Variants in GARNL3 observed in about 807,000 individuals in gnomAD.
The protein encoded by GARNL3 is GTPase-activating Rap/Ran-GAP domain-like protein 3.
In GARNL3, 63 loss-of-function variants were observed where a neutral mutation model predicts 125.0. The ratio of observed to expected loss-of-function variants is 0.50; its 90% CI spans 0.41 to 0.62. The LOEUF (loss-of-function observed/expected upper bound fraction) is 0.62. Among genes scored for constraint, GARNL3 ranks in the 20% least tolerant of loss-of-function variants. GARNL3 has a pLI of 0.00. For synonymous variants in GARNL3, 439 were observed against 457.5 expected (o/e 0.96, Z 0.52); for missense variants, 994 against 1,244.0 (o/e 0.80, Z 3.02).
intron 16 of GARNL3, among the ~76,000 whole-genome samples, chr9:127,347,741 T>C: frequency 6.6e-6 from 1 of 152,226 alleles, no homozygotes; most frequent in East Asian, 1.9e-4. Flanking sequence ...AGAAATTTTC[T>C]TGGGGAAACG....
intron 4 of GARNL3, among the ~76,000 whole-genome samples, chr9:127,313,795 G>T (rs546377874): frequency 6.6e-6 from 1 of 151,770 alleles, no homozygotes; most frequent in Non-Finnish European, 1.5e-5. Flanking sequence ...GCTAATTACC[G>T]CATTCTAGTC....
intron 1 of GARNL3, among the ~76,000 whole-genome samples, chr9:127,265,899 T>A (rs1338651188): frequency 6.6e-6 from 1 of 152,216 alleles, no homozygotes; most frequent in East Asian, 1.9e-4. Context: ...GGCGTTCTAC[T>A]TGAACTCAAG....
intron 17 of GARNL3, among the ~76,000 whole-genome samples, chr9:127,352,544 G>A (rs1830472104): frequency 6.6e-6 from 1 of 152,196 alleles, no homozygotes; most frequent in African/African-American, 2.4e-5. Flanking sequence ...CATTTTGTGG[G>A]AGCCCAGGGT....
At chr9:127,340,586 A>C (rs577526788) in intron 13 of GARNL3, among the ~76,000 whole-genome samples, 1 of 148,740 alleles carries the variant, frequency 6.7e-6, no homozygotes, top group African/African-American at 2.5e-5. Flanking sequence ...ACTCCTCCCC[A>C]CTACAGTCTT....
intron 2 of GARNL3, among the ~76,000 whole-genome samples, chr9:127,302,639 G>T (rs2131421291): frequency 6.6e-6 from 1 of 152,264 alleles, no homozygotes; most frequent in South Asian, 2.1e-4. Context: ...TTTCTGAAAA[G>T]ATACAGAAGA....
At chr9:127,227,469 T>A (rs185514694) in intron 1 of GARNL3, among the ~76,000 whole-genome samples, 1 of 151,968 alleles carries the variant, frequency 6.6e-6, no homozygotes, top group African/African-American at 2.4e-5. Context: ...GTTGTGGTGG[T>A]AGGCGCCTGT....
chr9:127,341,049 C>T (rs1829834157), intron 13 of GARNL3, among the ~76,000 whole-genome samples: 1 of 152,148 alleles, frequency 6.6e-6, no homozygotes, highest in Admixed American at 6.5e-5. Context: ...ATGAAAGACA[C>T]CTTTGCTGAG....
chr9:127,368,615 A>G (rs893249390), intron 22 of GARNL3, among the ~76,000 whole-genome samples: 21 of 148,666 alleles, frequency 1.4e-4, no homozygotes, highest in East Asian at 8.8e-4. Context: ...ACAGGCGTGA[A>G]CCACTGTGCC....
At chr9:127,365,144 C>G in intron 21 of GARNL3, 156 bp from the exon 22 acceptor site, 1 of 641,174 alleles carries the variant, frequency 1.6e-6, no homozygotes, top group South Asian at 2.0e-5. Flanking sequence ...AATCCCAGCC[C>G]CCAATGTGCA....
At position 127,357,095 on chromosome 9, in the gene GARNL3, C is replaced by T. The variant is rs139525741; in HGVS notation, c.1936-124C>T. ...CTCTTGTCCCTTCTTCCCTGTAGCACGGGGCTCTGCAGGAGCCTGGAGAGG... is the reference window on the plus strand; with the variant it reads ...CTCTTGTCCCTTCTTCCCTGTAGCATGGGGCTCTGCAGGAGCCTGGAGAGG... On this transcript the variant is annotated intron_variant, in intron 20 of 27. Coordinates refer to ENST00000373387, the MANE Select transcript of GARNL3 (RefSeq NM_032293.5). The T allele has an allele frequency of 1.2e-3, 1,071 of 881,888 alleles. 1 individual carries two copies. Among genetic ancestry groups the T allele is most frequent in the Non-Finnish European group, 1.6e-3 (923 of 560,112 alleles). The allele number at this position is 881,888 out of a possible 1,614,324, so 54.6% of individuals were successfully genotyped here.
At chr9:127,329,317 A>G (rs564238816) in intron 7 of GARNL3, among the ~76,000 whole-genome samples, 1 of 152,298 alleles carries the variant, frequency 6.6e-6, no homozygotes, top group South Asian at 2.1e-4. Flanking sequence ...AATTACTAAT[A>G]ACATCAGGAC....
chr9:127,387,023 TG>T, intron 24 of GARNL3, 169 bp from the exon 25 acceptor site: 1 of 581,150 alleles, frequency 1.7e-6, no homozygotes, highest in Non-Finnish European at 3.0e-6. Context: ...CTAGCCACGC[TG>T]GGCTTTCCTC....
At chr9:127,297,463 C>A (rs2064638088) in intron 2 of GARNL3, among the ~76,000 whole-genome samples, 1 of 151,666 alleles carries the variant, frequency 6.6e-6, no homozygotes, top group African/African-American at 2.4e-5. Context: ...TCTTTTTTTT[C>A]TTTTTTAACA....
chr9:127,374,540 T>C (rs1339781740), intron 22 of GARNL3, among the ~76,000 whole-genome samples: 4 of 152,018 alleles, frequency 2.6e-5, no homozygotes, highest in Admixed American at 2.6e-4. Context: ...AAGAACTTCC[T>C]TGAAAAACAC....
intron 22 of GARNL3, among the ~76,000 whole-genome samples, chr9:127,382,191 T>A (rs557993728): frequency 1.3e-5 from 2 of 152,008 alleles, no homozygotes; most frequent in African/African-American, 4.8e-5. Flanking sequence ...TCCCAGCTAC[T>A]TGGGAGGCTG....
At chr9:127,257,507 G>A (rs1312118914) in intron 2 of GARNL3, among the ~76,000 whole-genome samples, 1 of 152,198 alleles carries the variant, frequency 6.6e-6, no homozygotes, top group Admixed American at 6.5e-5. Flanking sequence ...ATTGAAAGGA[G>A]TCTTGCAGTG....
In GARNL3 at chr9:127,388,651, G is replaced by A. The variant is rs113040936; in HGVS notation, c.2528-253G>A. On this transcript the variant is annotated intron_variant, in intron 25 of 27. Coordinates refer to ENST00000373387, the MANE Select transcript of GARNL3 (RefSeq NM_032293.5). ...AGCAGGGCAGCTTTTTGCTTTTCTTGTCTAGTCTTTTTTCCTGTGCAGTCA... is the reference window on the plus strand; with the variant it reads ...AGCAGGGCAGCTTTTTGCTTTTCTTATCTAGTCTTTTTTCCTGTGCAGTCA... The A allele has an allele frequency of 8.5e-3, 4,341 of 513,358 alleles. 154 individuals carry two copies. The highest frequency in any genetic ancestry group is 0.075 in the African/African-American group (3,889 of 52,182). The allele number at this position is 513,358 out of a possible 1,614,324, so 31.8% of individuals were successfully genotyped here.
At chr9:127,263,486 G>A (rs528795679), upstream of GARNL3, among the ~76,000 whole-genome samples, 452 of 152,260 alleles carry the variant, frequency 3.0e-3, 3 homozygotes, top group African/African-American at 0.01. Flanking sequence ...TCACTGGAGC[G>A]GCCAGTGATG....
intron 20 of GARNL3, among the ~76,000 whole-genome samples, chr9:127,355,936 G>A (rs1830666185): frequency 6.6e-6 from 1 of 152,196 alleles, no homozygotes; most frequent in Admixed American, 6.5e-5. Context: ...ATGGGAGTGA[G>A]TGATGAGGGT....
Sources: gnomAD v4.1 joint callset for allele counts (sites outside exome capture counted in the v4.1 genomes callset) on GRCh38, gnomAD v4.1.1 for gene constraint, MANE v1.5 for transcripts, NCBI Gene and HGNC (gene_info 2026-07-23, HGNC 2026-07-21) for gene names.